CRYBG3: variants seen among roughly 807,000 people sequenced by gnomAD.
The protein encoded by CRYBG3 is very large A-kinase anchor protein.
In CRYBG3, 127 loss-of-function variants were observed where a neutral mutation model predicts 244.2. That is an observed-to-expected ratio of 0.52 (90% confidence interval 0.45 to 0.60). CRYBG3 has a LOEUF of 0.60. Among genes scored for constraint, CRYBG3 ranks in the 20% least tolerant of loss-of-function variants. CRYBG3 has a pLI of 0.00. For synonymous variants in CRYBG3, 1,132 were observed against 1,195.8 expected (o/e 0.95, Z 1.10); for missense variants, 3,325 against 3,442.5 (o/e 0.97, Z 0.85).
At chr3:97,888,510 TTAAA>T in intron 9 of CRYBG3, 55 bp downstream of exon 9, 3 of 1,146,316 alleles carry the variant, frequency 2.6e-6, no homozygotes, top group Non-Finnish European at 3.9e-6. Flanking sequence ...GAATCCAAAA[TTAAA>T]TAACCATGAT....
chr3:97,862,994 C>T (rs1018678308), intron 2 of CRYBG3, among the ~76,000 whole-genome samples: 13 of 152,106 alleles, frequency 8.5e-5, no homozygotes, highest in Non-Finnish European at 2.9e-5. Flanking sequence ...TAGTGAAATA[C>T]TCCTTTATAC....
intron 1 of CRYBG3, among the ~76,000 whole-genome samples, chr3:97,826,108 C>A (rs1339177977): frequency 8.5e-5 from 13 of 152,124 alleles, no homozygotes; most frequent in Non-Finnish European, 1.9e-4. Context: ...ATCTTGTCCC[C>A]CTCTGCTCCT....
intron 19 of CRYBG3, among the ~76,000 whole-genome samples, chr3:97,938,907 C>A (rs1249859650): frequency 6.6e-6 from 1 of 152,056 alleles, no homozygotes; most frequent in East Asian, 1.9e-4. Context: ...ATGACCTTTA[C>A]ATCTTGCTTA....
Position 97,921,486 on chromosome 3 carries a change from T to G in CRYBG3, c.8241+5750T>G, listed in dbSNP as rs184843973. ...TTCATGCCTAAAAATATATAGGCAG[T>G]AGTTGTATAAAGTTCATTCTTCTAC... is the stretch of plus-strand genomic sequence containing the variant. On this transcript the variant is annotated intron_variant, in intron 17 of 21. Transcript: ENST00000389622. Among the ~76,000 whole-genome samples the G allele has an allele frequency of 5.3e-5, 8 of 152,244 alleles. No individual in the cohort carries two copies. The East Asian group carries it at 1.5e-3, about 29-fold the overall frequency.
At chr3:97,898,288 GA>G (rs2039662697) in intron 12 of CRYBG3, among the ~76,000 whole-genome samples, 1 of 149,666 alleles carries the variant, frequency 6.7e-6, no homozygotes, top group Non-Finnish European at 1.5e-5. Flanking sequence ...ATTTACTAAT[GA>G]AATTAGACAT....
At chr3:97,894,070 C>G (rs979657502) in intron 11 of CRYBG3, among the ~76,000 whole-genome samples, 3 of 152,074 alleles carry the variant, frequency 2.0e-5, no homozygotes, top group Non-Finnish European at 4.4e-5. Context: ...TGGATAAACA[C>G]ATTTTTATTG....
In CRYBG3 at chr3:97,877,665, A is replaced by G. The variant is rs749098258; in HGVS notation, c.6471A>G (p.Val2157=). 1.9e-6 allele frequency: 3 copies of G among 1,614,026 alleles called. No individual in the cohort carries two copies. Among genetic ancestry groups the G allele is most frequent in the African/African-American group, 1.3e-5 (1 of 74,922 alleles). Residue 2157 remains valine (V), a synonymous_variant, in exon 4 of 22, where the codon GTA becomes GTG. Coordinates refer to ENST00000389622, the MANE Select transcript of CRYBG3 (RefSeq NM_153605.4). ...AAGAAGAGGAGGAGGAGGCAGCAGTATTGCATAAAGGAGATCTGAGAGCTG... is the reference window on the plus strand; with the variant it reads ...AAGAAGAGGAGGAGGAGGCAGCAGTGTTGCATAAAGGAGATCTGAGAGCTG... The part of the protein sequence containing the change: ...DEEEEEEEAA[V]LHKGDLRAGS...
In CRYBG3 at chr3:97,875,719, C is replaced by G; in HGVS notation, c.4525C>G (p.Pro1509Ala). 8.1e-7 allele frequency: 1 copy of G among 1,232,098 alleles called. No homozygotes were observed. Among genetic ancestry groups the G allele is most frequent in the East Asian group, 3.2e-5 (1 of 31,678 alleles). The allele number at this position is 1,232,098 out of a possible 1,614,324, so 76.3% of individuals were successfully genotyped here. A position where few individuals can be genotyped will look rare whatever the true frequency, so the allele number is the denominator to read the frequency against. ...SLVCISEKNL[P>A]GHSKNTPLAM... ...TGTATGTATATCTGAAAAAAACTTG[C>G]CAGGACACAGTAAAAACACACCTCT... Residue 1509 changes from proline to alanine, a missense_variant, in exon 4 of 22, where the codon CCA (proline) becomes GCA (alanine). By Grantham distance (27) the Pro-to-Ala change is conservative. Transcript: ENST00000389622.
Position 97,888,453 on chromosome 3 carries a change from A to G in CRYBG3, c.7402A>G (p.Met2468Val). The G allele has an allele frequency of 6.4e-7, 1 of 1,569,200 alleles. No individual in the cohort carries two copies. The highest frequency in any genetic ancestry group is 8.8e-7 in the Non-Finnish European group (1 of 1,139,766). ...AATGAAATCATTACATCCGCTTCAA[A>G]TGGTAAGCAAATTTAAAAAGAAGCA... Reference protein sequence around the residue: ...AEMKSLHPLQMGGLKVEMPMN... With the variant: ...AEMKSLHPLQVGGLKVEMPMN... The change falls in exon 9 of 22, where the codon ATG becomes GTG. Residue 2468 changes from methionine to valine, a missense_variant and splice_region_variant. Transcript: ENST00000389622.
intron 5 of CRYBG3, 49 bp from the exon 6 acceptor site, chr3:97,879,936 T>A: frequency 9.4e-7 from 1 of 1,061,906 alleles, no homozygotes; most frequent in Non-Finnish European, 1.4e-6. Flanking sequence ...TAAAATACAT[T>A]CTAAAAATTA....
Position 97,915,723 on chromosome 3 carries a change from A to G in CRYBG3, c.8228A>G (p.Lys2743Arg). ...GCPASKVKSL[K>R]PIDYVFEEPS... ...CCAGCATCTAAAGTCAAATCTCTCA[A>G]GCCCATTGACTATGTAAGTACTTTG... The change falls in exon 17 of 22, where the codon AAG (lysine) becomes AGG (arginine). Residue 2743 changes from lysine to arginine, a missense_variant. By Grantham distance (26) the Lys-to-Arg change is conservative. This residue lies in a region of CRYBG3 where 714 missense variants were observed against 803.6 expected (regional missense o/e 0.89). Coordinates refer to ENST00000389622, the MANE Select transcript of CRYBG3 (RefSeq NM_153605.4). 6.2e-7 allele frequency: 1 copy of G among 1,612,012 alleles called. No individual in the cohort carries two copies. The highest frequency in any genetic ancestry group is 8.5e-7 in the Non-Finnish European group (1 of 1,178,462).
In CRYBG3 at chr3:97,872,060, A is replaced by T. The variant is rs2039311131; in HGVS notation, c.866A>T (p.Asp289Val). ...VLPLLLSASTDSSMKGNLLEG... is the reference protein window; with the variant it reads ...VLPLLLSASTVSSMKGNLLEG... ...CCACTGTTGTTATCAGCTAGTACAG[A>T]CTCATCTATGAAAGGAAATCTACTT... The change falls in exon 4 of 22, where the codon GAC becomes GTC. Residue 289 changes from aspartate (D) to valine (V), a missense_variant. This residue lies in a region of CRYBG3 where 1,526 missense variants were observed against 1,443.2 expected (regional missense o/e 1.06). Coordinates refer to ENST00000389622, the MANE Select transcript of CRYBG3 (RefSeq NM_153605.4). 1.3e-6 allele frequency: 2 copies of T among 1,535,766 alleles called. No individual in the cohort carries two copies. The highest frequency in any genetic ancestry group is 1.7e-4 in the Middle Eastern group (1 of 5,982).
intron 2 of CRYBG3, among the ~76,000 whole-genome samples, chr3:97,858,396 C>G (rs1039704101): frequency 1.3e-5 from 2 of 151,938 alleles, no homozygotes; most frequent in South Asian, 2.1e-4. Context: ...TATTTGGGGA[C>G]TTTTGAGCTT....
In CRYBG3 at chr3:97,937,483, G is replaced by A. The variant is rs370355636; in HGVS notation, c.8505+575G>A. Reference sequence around the variant, plus strand: ...ACATGGGCTGCACCCTCTGTATCGTGTTCTTCCCTCATTCTTTATTTGACT... The same window carrying A: ...ACATGGGCTGCACCCTCTGTATCGTATTCTTCCCTCATTCTTTATTTGACT... On this transcript the variant is annotated intron_variant, in intron 19 of 21. Transcript: ENST00000389622. 3.9e-5 allele frequency among the ~76,000 whole-genome samples: 6 copies of A among 152,062 alleles called. No individual in the cohort carries two copies. In the East Asian group the frequency reaches 1.2e-3, roughly 29 times the overall value.
intron 16 of CRYBG3, 100 bp from the exon 17 acceptor site, chr3:97,915,510 T>C: frequency 1.5e-6 from 2 of 1,292,012 alleles, no homozygotes; most frequent in Non-Finnish European, 2.1e-6. Context: ...CTGCACCACT[T>C]TCTATGCCCT....
chr3:97,897,970 C>T (rs1271777043), intron 12 of CRYBG3, among the ~76,000 whole-genome samples: 2 of 151,888 alleles, frequency 1.3e-5, no homozygotes, highest in African/African-American at 4.8e-5. Flanking sequence ...CCTGTAATCC[C>T]AGCACTTTGG....
Position 97,874,331 on chromosome 3 carries a change from A to G in CRYBG3, c.3137A>G (p.Lys1046Arg). ...GAAAAGAAATCCTCATCTTACAGAA[A>G]GAAAGAGAACATCCATTTTTTAAAT... Reference protein sequence around the residue: ...KLEKKSSSYRKKENIHFLNGG... With the variant: ...KLEKKSSSYRRKENIHFLNGG... Residue 1046 changes from lysine (K) to arginine (R), a missense_variant, in exon 4 of 22, where the codon AAG becomes AGG. Physicochemically the swap from Lys to Arg is conservative, Grantham distance 26. Around this residue, in one of 4 missense-constraint regions of CRYBG3, gnomAD observed 1,526 missense variants for 1,443.2 expected, o/e 1.06. Coordinates refer to ENST00000389622, the MANE Select transcript of CRYBG3 (RefSeq NM_153605.4). 1 of 1,527,142 alleles carries G rather than the reference A, an allele frequency of 6.5e-7. No individual in the cohort carries two copies. Among genetic ancestry groups the G allele is most frequent in the Non-Finnish European group, 8.7e-7 (1 of 1,144,626 alleles). The allele number at this position is 1,527,142 out of a possible 1,614,324, so 94.6% of individuals were successfully genotyped here. A position where few individuals can be genotyped will look rare whatever the true frequency, so the allele number is the denominator to read the frequency against.
rs559463577 is a variant in CRYBG3, at chr3:97,884,187, A to C, written c.7153-2444A>C. Among the ~76,000 whole-genome samples the C allele has an allele frequency of 5.9e-5, 9 of 152,266 alleles. 1 individual carries two copies. Among genetic ancestry groups the C allele is most frequent in the African/African-American group, 2.2e-4 (9 of 41,562 alleles). ...TGAGGATTGACAGGTATAGCGAATAACCTCAGTAATCAGTAATTGTAGATT... is the reference window on the plus strand; with the variant it reads ...TGAGGATTGACAGGTATAGCGAATACCCTCAGTAATCAGTAATTGTAGATT... On this transcript the variant is annotated intron_variant, in intron 7 of 21. Coordinates refer to ENST00000389622, the MANE Select transcript of CRYBG3 (RefSeq NM_153605.4).
intron 17 of CRYBG3, among the ~76,000 whole-genome samples, chr3:97,927,624 A>G (rs1341900668): frequency 6.6e-6 from 1 of 152,144 alleles, no homozygotes; most frequent in Non-Finnish European, 1.5e-5. Context: ...CAGAGTAAAC[A>G]GTCAGCAGAA....
Sources: allele counts gnomAD v4.1 joint callset (sites outside exome capture counted in the v4.1 genomes callset), GRCh38; gene constraint gnomAD v4.1.1; regional missense constraint gnomAD v4.1.1; transcripts MANE v1.5; gene names NCBI Gene and HGNC (gene_info 2026-07-23, HGNC 2026-07-21).